CDYL2: variants seen among roughly 807,000 people sequenced by gnomAD.
The protein encoded by CDYL2 is chromodomain Y-like protein 2.
In CDYL2, 23 loss-of-function variants were observed where a neutral mutation model predicts 49.4. That is an observed-to-expected ratio of 0.47 (90% confidence interval 0.34 to 0.66). CDYL2 has a LOEUF of 0.66. CDYL2 is among the 30% of genes least tolerant of loss of function. CDYL2 has a pLI of 0.01. For missense variants in CDYL2, 678 were observed against 656.4 expected (o/e 1.03, Z -0.36); for synonymous variants, 360 against 268.8 (o/e 1.34, Z -3.32).
chr16:80,771,035 G>T (rs924393995), intron 1 of CDYL2, among the ~76,000 whole-genome samples: 2 of 152,152 alleles, frequency 1.3e-5, no homozygotes, highest in East Asian at 3.9e-4. Context: ...AGGGTAAATG[G>T]TAAGTAACCC....
chr16:80,662,671 C>T (rs1269252984), intron 2 of CDYL2: 2 of 452,374 alleles, frequency 4.4e-6, no homozygotes, highest in African/African-American at 2.0e-5. Context: ...TTGTCTAATA[C>T]AGTAGGTGGA....
intron 1 of CDYL2, among the ~76,000 whole-genome samples, chr16:80,742,904 T>C (rs1464704274): frequency 2.0e-5 from 3 of 150,922 alleles, no homozygotes; most frequent in African/African-American, 7.3e-5. Context: ...AAAGAATGGA[T>C]GGATGGATGG....
intron 1 of CDYL2, among the ~76,000 whole-genome samples, chr16:80,722,252 C>T (rs1414192033): frequency 2.6e-5 from 4 of 152,046 alleles, no homozygotes; most frequent in African/African-American, 9.7e-5. Context: ...AAACCAATGT[C>T]CACCCCCCAG....
At chr16:80,799,651 G>A (rs767297075) in intron 1 of CDYL2, among the ~76,000 whole-genome samples, 24 of 152,282 alleles carry the variant, frequency 1.6e-4, no homozygotes, top group African/African-American at 5.5e-4. Context: ...GCAAGGAGCC[G>A]TATCAACTCC....
intron 6 of CDYL2, among the ~76,000 whole-genome samples, chr16:80,605,410 C>T (rs1044989842): frequency 3.4e-5 from 5 of 147,360 alleles, no homozygotes; most frequent in East Asian, 2.0e-4. Flanking sequence ...ATAATATATA[C>T]ATATTATGTA....
intron 6 of CDYL2, among the ~76,000 whole-genome samples, chr16:80,606,404 C>A (rs1013382810): frequency 2.0e-5 from 3 of 152,214 alleles, no homozygotes; most frequent in African/African-American, 4.8e-5. Flanking sequence ...CTGAGCCTCT[C>A]TTCCCTGCCA....
chr16:80,646,835 G>C (rs1424774704), intron 2 of CDYL2, among the ~76,000 whole-genome samples: 2 of 149,110 alleles, frequency 1.3e-5, no homozygotes, highest in Non-Finnish European at 3.0e-5. Flanking sequence ...AAAAAAACAA[G>C]ACCCAATGAT....
Position 80,684,617 on chromosome 16 carries a change from C to T in CDYL2, c.537G>A (p.Leu179=). ...HFGNGSHQPG[L]DLNDHVGEQD... Reference sequence around the variant, plus strand: ...GCTCTCCAACATGATCATTCAAATCCAAGCCAGGCTGATGGGACCCATTTC... The same window carrying T: ...GCTCTCCAACATGATCATTCAAATCTAAGCCAGGCTGATGGGACCCATTTC... The change falls in exon 2 of 7, where the codon TTG becomes TTA. Residue 179 remains leucine, a synonymous_variant. Transcript: ENST00000570137. 1.2e-6 allele frequency: 2 copies of T among 1,614,188 alleles called. No homozygotes were observed. Among genetic ancestry groups the T allele is most frequent in the Non-Finnish European group, 1.7e-6 (2 of 1,180,038 alleles).
rs1440912053 is a variant in CDYL2, at chr16:80,697,171, C to A, written c.25-12042G>T. Among the ~76,000 whole-genome samples, 3 of 152,272 alleles carry A rather than the reference C, an allele frequency of 2.0e-5. No individual in the cohort carries two copies. In the East Asian group the frequency reaches 5.8e-4, roughly 29 times the overall value. ...TGATGAACGTAGATGCAAAAATCCT[C>A]AACAAAGAATACAAGCAAACTAATC... On this transcript the variant is annotated intron_variant, in intron 1 of 6. Coordinates refer to ENST00000570137, the MANE Select transcript of CDYL2 (RefSeq NM_152342.4).
chr16:80,629,899 T>C (rs1004663853), intron 3 of CDYL2, among the ~76,000 whole-genome samples: 3 of 152,238 alleles, frequency 2.0e-5, no homozygotes, highest in Non-Finnish European at 2.9e-5. Context: ...ATACCTCCTA[T>C]ATGCCAGGTA....
At chr16:80,743,145 A>T (rs1049674191) in intron 1 of CDYL2, among the ~76,000 whole-genome samples, 1 of 152,138 alleles carries the variant, frequency 6.6e-6, no homozygotes, top group East Asian at 1.9e-4. Context: ...TTCCACTTAC[A>T]TGTATTGAAC....
chr16:80,640,428 G>C (rs1036864043), intron 2 of CDYL2, among the ~76,000 whole-genome samples: 3 of 152,124 alleles, frequency 2.0e-5, no homozygotes, highest in African/African-American at 7.2e-5. Flanking sequence ...CAATATACAG[G>C]TACCACGTTG....
chr16:80,642,001 G>A (rs929978719), intron 2 of CDYL2, among the ~76,000 whole-genome samples: 7 of 152,166 alleles, frequency 4.6e-5, no homozygotes, highest in Admixed American at 6.5e-5. Context: ...CATTGTAACT[G>A]TGGGATGTAA....
intron 1 of CDYL2, among the ~76,000 whole-genome samples, chr16:80,724,151 AAAG>A (rs1450705655): frequency 2.0e-5 from 3 of 150,188 alleles, no homozygotes; most frequent in African/African-American, 7.4e-5. Flanking sequence ...AAAAGAAGAG[AAAG>A]AAGAAGAGGA....
In CDYL2 at chr16:80,684,740, C is replaced by T. The variant is rs370784290; in HGVS notation, c.414G>A (p.Arg138=). The stretch of plus-strand genomic sequence containing the variant: ...TTATTTGCAAACCACTGGGGGTAGT[C>T]CTGTAAGACACCGTCTTGGTGGCCC... ...GDRATKTVSY[R]TTPSGLQIMP... The change falls in exon 2 of 7, where the codon AGG becomes AGA. Residue 138 remains arginine, a synonymous_variant. Coordinates refer to ENST00000570137, the MANE Select transcript of CDYL2 (RefSeq NM_152342.4). The T allele has an allele frequency of 5.0e-6, 8 of 1,614,134 alleles. No homozygotes were observed. The Middle Eastern group carries it at 4.9e-4, about 100-fold the overall frequency.
rs148589679 is a variant in CDYL2, at chr16:80,699,446, C to T, written c.25-14317G>A. Among the ~76,000 whole-genome samples the T allele has an allele frequency of 9.2e-5, 14 of 152,170 alleles. No homozygotes were observed. In the South Asian group the frequency reaches 1.2e-3, roughly 14 times the overall value. On this transcript the variant is annotated intron_variant, in intron 1 of 6. Transcript: ENST00000570137. The stretch of plus-strand genomic sequence containing the variant: ...CAAATACCACTAGTACTCACTCATA[C>T]GTGGAAGCTAAAAAAGTTGATCTCA...
intron 1 of CDYL2, among the ~76,000 whole-genome samples, chr16:80,756,141 AG>A (rs1906302518): frequency 6.6e-6 from 1 of 152,202 alleles, no homozygotes; most frequent in Admixed American, 6.5e-5. Context: ...TAAACGCACC[AG>A]TGGTCCAACT....
intron 1 of CDYL2, among the ~76,000 whole-genome samples, chr16:80,772,238 A>G (rs968103936): frequency 6.6e-6 from 1 of 152,208 alleles, no homozygotes; most frequent in Admixed American, 6.5e-5. Flanking sequence ...TGTTTTTTAG[A>G]AAATAATTTC....
chr16:80,623,149 C>G (rs1013527010), intron 3 of CDYL2, among the ~76,000 whole-genome samples: 4 of 152,038 alleles, frequency 2.6e-5, no homozygotes, highest in African/African-American at 7.3e-5. Context: ...AGCAGCAACA[C>G]ATCCCTCAGG....
Sources: gnomAD v4.1 joint callset for allele counts (sites outside exome capture counted in the v4.1 genomes callset) on GRCh38, gnomAD v4.1.1 for gene constraint, MANE v1.5 for transcripts, NCBI Gene and HGNC (gene_info 2026-07-23, HGNC 2026-07-21) for gene names.